The following MAN2C1 variants were observed in gnomAD, a reference collection of about 807,000 sequenced individuals.
The protein encoded by MAN2C1 is mannosidase alpha class 2C member 1, also known as alpha-mannosidase 2C1.
In MAN2C1, 111 loss-of-function variants were observed where a neutral mutation model predicts 126.9. The ratio of observed to expected loss-of-function variants is 0.87; its 90% confidence interval spans 0.75 to 1.02. MAN2C1 has a LOEUF of 1.02. Ranked by LOEUF, MAN2C1 falls within the 50% of genes least tolerant of loss-of-function variation. The pLI is 0.00. For synonymous variants in MAN2C1, 567 were observed against 561.5 expected (o/e 1.01, Z -0.14); for missense variants, 1,363 against 1,364.4 (o/e 1.00, Z 0.02).
chr15:75,361,780 C>T lies in MAN2C1; in HGVS notation c.1102-60G>A. ...AGAGCTCCAGGCGGACTCACCCCAG[C>T]CTCAGCCCCTCAGCACTCCAAGTCG... On this transcript the variant is annotated intron_variant, in intron 9 of 25. Transcript: ENST00000267978. The surrounding 1 kb of genome is among the most constrained non-coding windows in gnomAD (Gnocchi z 5.0). 1 of 1,587,624 alleles carries T rather than the reference C, an allele frequency of 6.3e-7. No individual in the cohort carries two copies. Among genetic ancestry groups the T allele is most frequent in the Non-Finnish European group, 8.6e-7 (1 of 1,156,144 alleles).
chr15:75,366,413 T>G (rs771264556), intron 4 of MAN2C1, 109 bp downstream of exon 4: 34 of 836,776 alleles, frequency 4.1e-5, no homozygotes, highest in Non-Finnish European at 6.0e-5. Flanking sequence ...TGAGGATGAT[T>G]GTGCTAGAGC....
At chr15:75,359,487 G>A (rs760546534) in intron 16 of MAN2C1, 62 bp from the exon 17 acceptor site, 14 of 1,568,598 alleles carry the variant, frequency 8.9e-6, no homozygotes, top group East Asian at 2.3e-5. Context: ...TTGCGCAGGT[G>A]GGGATGGGTT....
intron 13 of MAN2C1, 88 bp from the exon 14 acceptor site, chr15:75,360,299 G>A (rs963737552): frequency 9.6e-6 from 15 of 1,556,394 alleles, no homozygotes; most frequent in African/African-American, 1.3e-5. Context: ...GAATCCCTGA[G>A]GACTCACCAA....
At position 75,359,873 on chromosome 15, in the gene MAN2C1, G is replaced by C. The variant is rs149965046; in HGVS notation, c.1792+30C>G. On this transcript the variant is annotated intron_variant, in intron 15 of 25. Transcript: ENST00000267978. ...CTCTGGGCTCAGCCCTGGGGTTGGA[G>C]AGAGCAGGCAGGACTATTGTGAGCC... 9.9e-6 allele frequency: 16 copies of C among 1,611,522 alleles called. No homozygotes were observed. In the East Asian group the frequency reaches 3.6e-4, roughly 36 times the overall value.
chr15:75,368,028 T>G, intron 2 of MAN2C1, 45 bp downstream of exon 2: 1 of 1,563,636 alleles, frequency 6.4e-7, no homozygotes, highest in Non-Finnish European at 8.6e-7. Context: ...GGGTTGGGAC[T>G]TCCCCTAGGC....
At chr15:75,364,255 C>A in intron 5 of MAN2C1, 67 bp from the exon 6 acceptor site, 1 of 1,489,614 alleles carries the variant, frequency 6.7e-7, no homozygotes, top group South Asian at 1.3e-5. Context: ...CTCCACTGAT[C>A]TCAGGGCTCT....
At chr15:75,368,436 A>C in intron 1 of MAN2C1, 47 bp downstream of exon 1, 1 of 1,519,728 alleles carries the variant, frequency 6.6e-7, no homozygotes, top group Non-Finnish European at 8.9e-7. Context: ...GGAAAGCTTG[A>C]GGCGCACGGT....
Position 75,356,679 on chromosome 15 carries a change from C to T in MAN2C1, c.2664G>A (p.Arg888=). ...RGSILSLSLL[R]APKAPDATAD... ...CAGTAGCGTCCGGGGCTTTAGGCGCCCGCAAGCTGGGGTGAGGAGGGCGCG... is the reference window on the plus strand; with the variant it reads ...CAGTAGCGTCCGGGGCTTTAGGCGCTCGCAAGCTGGGGTGAGGAGGGCGCG... The change falls in exon 23 of 26, where the codon CGG becomes CGA. Residue 888 remains arginine, a synonymous_variant. Transcript: ENST00000267978. The surrounding 1 kb of genome is among the most constrained non-coding windows in gnomAD (Gnocchi z 5.8). 2.5e-6 allele frequency: 4 copies of T among 1,594,392 alleles called. No homozygotes were observed. In the South Asian group the frequency reaches 4.5e-5, roughly 18 times the overall value.
In MAN2C1 at chr15:75,363,622, G is replaced by A. The variant is rs145953784; in HGVS notation, c.790+377C>T. On this transcript the variant is annotated intron_variant, in intron 6 of 25. Coordinates refer to ENST00000267978, the MANE Select transcript of MAN2C1 (RefSeq NM_006715.4). ...GGAGTTTGAGACCAGCCTGGCCAACGTGGTGAAACCCCGTCTCTACTAAAA... is the reference window on the plus strand; with the variant it reads ...GGAGTTTGAGACCAGCCTGGCCAACATGGTGAAACCCCGTCTCTACTAAAA... The A allele has an allele frequency of 3.9e-3, 1,271 of 329,148 alleles. 19 individuals are homozygous for A. The highest frequency in any genetic ancestry group is 0.025 in the African/African-American group (1,128 of 45,780). The allele number at this position is 329,148 out of a possible 1,614,324, so 20.4% of individuals were successfully genotyped here.
At position 75,360,610 on chromosome 15, in the gene MAN2C1, C is replaced by A; in HGVS notation, c.1539G>T (p.Glu513Asp). The A allele has an allele frequency of 6.2e-7, 1 of 1,613,912 alleles. No homozygotes were observed. The highest frequency in any genetic ancestry group is 1.1e-5 in the South Asian group (1 of 91,086). The change falls in exon 13 of 26, where the codon GAG becomes GAT. Residue 513 changes from glutamate (E) to aspartate (D), a missense_variant. Physicochemically the swap from Glu to Asp is conservative, Grantham distance 45. Coordinates refer to ENST00000267978, the MANE Select transcript of MAN2C1 (RefSeq NM_006715.4). ...DSEQLCTWVG[E>D]LFLELHNGTY... ...TGCCATTGTGCAGCTCCAAGAAGAG[C>A]TCCCCAACCCACGTGCACAGCTGCT...
chr15:75,366,705 T>A (rs1435437085), intron 3 of MAN2C1, 113 bp from the exon 4 acceptor site: 9 of 725,766 alleles, frequency 1.2e-5, no homozygotes, highest in Non-Finnish European at 2.0e-5. Context: ...CTGGGTCCTC[T>A]CTCCCAAGCA....
rs761505744 is a variant in MAN2C1, at chr15:75,362,186, C to T, written c.1008+157G>A. On this transcript the variant is annotated intron_variant, in intron 8 of 25. Coordinates refer to ENST00000267978, the MANE Select transcript of MAN2C1 (RefSeq NM_006715.4). This position sits in a 1 kb window ranked among gnomAD's most constrained non-coding sequence, Gnocchi z 4.5. ...GGAGGCTCTCCTCCCCCTTGAAGTCCCAGGCCTTGAGATCCCAGGGACTAA... is the reference window on the plus strand; with the variant it reads ...GGAGGCTCTCCTCCCCCTTGAAGTCTCAGGCCTTGAGATCCCAGGGACTAA... The T allele has an allele frequency of 5.6e-6, 4 of 715,012 alleles. No homozygotes were observed. The highest frequency in any genetic ancestry group is 3.5e-4 in the Middle Eastern group (1 of 2,818). The allele number at this position is 715,012 out of a possible 1,614,324, so 44.3% of individuals were successfully genotyped here.
At position 75,362,585 on chromosome 15, in the gene MAN2C1, G is replaced by A. The variant is rs1480537456; in HGVS notation, c.897+57C>T. 4 of 1,581,690 alleles carry A rather than the reference G, an allele frequency of 2.5e-6. No individual in the cohort carries two copies. In the East Asian group the frequency reaches 9.0e-5, roughly 36 times the overall value. On this transcript the variant is annotated intron_variant, in intron 7 of 25. Transcript: ENST00000267978. The surrounding 1 kb of genome is among the most constrained non-coding windows in gnomAD (Gnocchi z 4.5). ...CAGGCCTGGGAAGCCTTCAGGGCCT[G>A]TGGAGCTCCAGGGAGGGCCACGTGC... is the stretch of plus-strand genomic sequence containing the variant.
At chr15:75,360,302 C>A in intron 13 of MAN2C1, 91 bp from the exon 14 acceptor site, 1 of 1,545,084 alleles carries the variant, frequency 6.5e-7, no homozygotes, top group Non-Finnish European at 8.8e-7. Flanking sequence ...TCCCTGAGGA[C>A]TCACCAAGGG....
chr15:75,366,769 G>T (rs2072583755), intron 3 of MAN2C1, among the ~76,000 whole-genome samples, 177 bp from the exon 4 acceptor site: 1 of 152,228 alleles, frequency 6.6e-6, no homozygotes, highest in Non-Finnish European at 1.5e-5. Context: ...CAACTCCCAT[G>T]GCAGCCAGCA....
Position 75,358,967 on chromosome 15 carries a change from G to C in MAN2C1, c.2141+92C>G, listed in dbSNP as rs565446595. The C allele has an allele frequency of 3.5e-4, 552 of 1,556,846 alleles. 5 individuals are homozygous for C. The South Asian group carries it at 4.3e-3, about 12-fold the overall frequency. On this transcript the variant is annotated intron_variant, in intron 18 of 25. Transcript: ENST00000267978. The stretch of plus-strand genomic sequence containing the variant: ...GGTTCCAGCCCAGAGCCACTGGTGG[G>C]CTGCTGTGGGCAGTGTTGTGGCAAG...
At chr15:75,363,288 G>A in intron 6 of MAN2C1, 1 of 456,016 alleles carries the variant, frequency 2.2e-6, no homozygotes, top group Non-Finnish European at 4.4e-6. Context: ...ATACCTTCAG[G>A]AGCTTGTTAA....
In MAN2C1 at chr15:75,364,073, G is replaced by A; in HGVS notation, c.716C>T (p.Ser239Phe). Residue 239 changes from serine (S) to phenylalanine (F), a missense_variant, in exon 6 of 26, where the codon TCC (serine) becomes TTC (phenylalanine). By Grantham distance (155) the Ser-to-Phe change is radical (BLOSUM62 -2). This residue lies in a region of MAN2C1 where 628 missense variants were observed against 609.8 expected (regional missense o/e 1.03). Transcript: ENST00000267978. ...ETFPVAQALA[S>F]RFFGQHGGES... ...ACCCCCATGTTGGCCAAAGAACCTG[G>A]AGGCCAGGGCCTGGGCCACTGGGAA... is the stretch of plus-strand genomic sequence containing the variant. 1 of 1,614,184 alleles carries A rather than the reference G, an allele frequency of 6.2e-7. No homozygotes were observed. The highest frequency in any genetic ancestry group is 8.5e-7 in the Non-Finnish European group (1 of 1,180,020).
intron 2 of MAN2C1, 155 bp downstream of exon 2, chr15:75,367,918 C>G: frequency 9.2e-7 from 1 of 1,086,600 alleles, no homozygotes; most frequent in African/African-American, 1.6e-5. Context: ...GACCAGAGAG[C>G]TGTTCCCAGC....
Sources: allele counts gnomAD v4.1 joint callset (sites outside exome capture counted in the v4.1 genomes callset), GRCh38; gene constraint gnomAD v4.1.1; regional missense constraint gnomAD v4.1.1; non-coding constraint Gnocchi (gnomAD v3.1); transcripts MANE v1.5; gene names NCBI Gene and HGNC (gene_info 2026-07-23, HGNC 2026-07-21).